The following ME1 variants were observed in gnomAD, a reference collection of about 807,000 sequenced individuals.
ME1 encodes the protein NADP-dependent malic enzyme.
ME1 carries 74 observed loss-of-function variants against 66.4 expected under a neutral mutation model. The ratio of observed to expected loss-of-function variants is 1.11; its 90% confidence interval spans 0.92 to 1.35. The LOEUF (loss-of-function observed/expected upper bound fraction) is 1.35. ME1 is among the 40% of genes most tolerant of loss of function. The probability of loss-of-function intolerance (pLI) is 0.00; values close to 1 mark genes in which losing one functional copy is unlikely to be tolerated. For synonymous variants in ME1, 251 were observed against 235.6 expected (o/e 1.07, Z -0.60); for missense variants, 750 against 694.1 (o/e 1.08, Z -0.90).
chr6:83,362,437 CCT>C (rs2128546091), intron 3 of ME1, among the ~76,000 whole-genome samples: 1 of 152,328 alleles, frequency 6.6e-6, no homozygotes, highest in Admixed American at 6.5e-5. Flanking sequence ...CACCACTCAG[CCT>C]CTTTCCCCAG....
At chr6:83,348,997 A>C (rs1287730541) in intron 4 of ME1, among the ~76,000 whole-genome samples, 4 of 143,174 alleles carry the variant, frequency 2.8e-5, no homozygotes, top group Non-Finnish European at 4.5e-5. Flanking sequence ...AAAAAAAAAA[A>C]AAAACAAAAA....
Position 83,300,156 on chromosome 6 carries a change from T to C in ME1, c.704+15154A>G, listed in dbSNP as rs572106145. Among the ~76,000 whole-genome samples, 3 of 152,262 alleles carry C rather than the reference T, an allele frequency of 2.0e-5. No homozygotes were observed. In the East Asian group the frequency reaches 5.8e-4, roughly 29 times the overall value. ...AACAAGCAATGGGGAGAGGACTCCCTATTCAATAAATGGTGCTGGGATAAC... is the reference window on the plus strand; with the variant it reads ...AACAAGCAATGGGGAGAGGACTCCCCATTCAATAAATGGTGCTGGGATAAC... On this transcript the variant is annotated intron_variant, in intron 6 of 13. Coordinates refer to ENST00000369705, the MANE Select transcript of ME1 (RefSeq NM_002395.6).
At position 83,358,572 on chromosome 6, in the gene ME1, C is replaced by T. The variant is rs568166005; in HGVS notation, c.363-6433G>A. 3.3e-5 allele frequency among the ~76,000 whole-genome samples: 5 copies of T among 152,252 alleles called. No homozygotes were observed. The South Asian group carries it at 1.0e-3, about 32-fold the overall frequency. ...CCTGCAATGAAAGGTGCATGCACAG[C>T]CTTGCCAGGTGTCTACTGTTAAAGT... On this transcript the variant is annotated intron_variant, in intron 3 of 13. Transcript: ENST00000369705.
intron 3 of ME1, among the ~76,000 whole-genome samples, chr6:83,360,188 A>AT (rs1416702069): frequency 7.2e-5 from 11 of 152,174 alleles, no homozygotes; most frequent in Admixed American, 7.2e-4. Flanking sequence ...GGGAGGCCAG[A>AT]TCCCCTGGAG....
At chr6:83,418,273 T>C (rs1335416419) in intron 1 of ME1, among the ~76,000 whole-genome samples, 3 of 152,112 alleles carry the variant, frequency 2.0e-5, no homozygotes, top group Non-Finnish European at 4.4e-5. Context: ...GGCTGACAAG[T>C]CCAAAGACCT....
In ME1 at chr6:83,418,267, G is replaced by A. The variant is rs1298364395; in HGVS notation, c.79-10366C>T. On this transcript the variant is annotated intron_variant, in intron 1 of 13. Coordinates refer to ENST00000369705, the MANE Select transcript of ME1 (RefSeq NM_002395.6). ...ATTGGCTCACATGATTATGGAGGCT[G>A]ACAAGTCCAAAGACCTGCTGCCAGC... is the stretch of plus-strand genomic sequence containing the variant. Among the ~76,000 whole-genome samples, 7 of 152,150 alleles carry A rather than the reference G, an allele frequency of 4.6e-5. No individual in the cohort carries two copies. In the East Asian group the frequency reaches 1.3e-3, roughly 29 times the overall value.
intron 9 of ME1, chr6:83,229,172 T>G: frequency 1.8e-6 from 1 of 552,034 alleles, no homozygotes. Context: ...GTCCTTCATT[T>G]AATTGATATT....
intron 6 of ME1, among the ~76,000 whole-genome samples, chr6:83,255,312 C>A (rs187648429): frequency 6.6e-6 from 1 of 151,436 alleles, no homozygotes; most frequent in Non-Finnish European, 1.5e-5. Context: ...AAGAATAGTA[C>A]CTTCTGTTAT....
At chr6:83,290,618 A>C (rs979804899) in intron 6 of ME1, among the ~76,000 whole-genome samples, 3 of 152,078 alleles carry the variant, frequency 2.0e-5, no homozygotes, top group Admixed American at 1.3e-4. Flanking sequence ...TAGGGTGGAG[A>C]GTTCTGTAGA....
At chr6:83,405,713 G>T (rs1273047885) in intron 2 of ME1, among the ~76,000 whole-genome samples, 14 of 144,784 alleles carry the variant, frequency 9.7e-5, no homozygotes, top group African/African-American at 3.1e-4. Flanking sequence ...TTTTTTTGTT[G>T]TTGTTGTTGT....
intron 6 of ME1, among the ~76,000 whole-genome samples, chr6:83,302,586 C>G (rs1767747666): frequency 6.6e-6 from 1 of 152,110 alleles, no homozygotes; most frequent in Non-Finnish European, 1.5e-5. Flanking sequence ...AATTACAATA[C>G]AGTGTGATAC....
chr6:83,265,702 T>C (rs1766976695), intron 6 of ME1, among the ~76,000 whole-genome samples: 1 of 152,224 alleles, frequency 6.6e-6, no homozygotes, highest in Non-Finnish European at 1.5e-5. Context: ...TGCAATATCT[T>C]TGAGGTATGC....
At chr6:83,429,214 G>A (rs1478781319) in intron 1 of ME1, among the ~76,000 whole-genome samples, 1 of 152,138 alleles carries the variant, frequency 6.6e-6, no homozygotes, top group Non-Finnish European at 1.5e-5. Context: ...AGTGAGCGGA[G>A]ATCGCGCCAC....
At chr6:83,391,688 T>G (rs562089278) in intron 3 of ME1, among the ~76,000 whole-genome samples, 1 of 152,266 alleles carries the variant, frequency 6.6e-6, no homozygotes, top group Non-Finnish European at 1.5e-5. Context: ...CTCTGTGAAC[T>G]CATCCCCTAC....
intron 7 of ME1, among the ~76,000 whole-genome samples, chr6:83,247,223 A>G (rs1465389464): frequency 6.6e-6 from 1 of 152,028 alleles, no homozygotes; most frequent in African/African-American, 2.4e-5. Flanking sequence ...GAGAAGAAAA[A>G]TTTCTTTTTG....
chr6:83,216,823 T>C (rs1227601962), intron 12 of ME1, among the ~76,000 whole-genome samples: 1 of 152,206 alleles, frequency 6.6e-6, no homozygotes, highest in East Asian at 1.9e-4. Flanking sequence ...GAATAGAATC[T>C]AGGTTTCCTT....
chr6:83,352,192 C>T, intron 3 of ME1, 53 bp from the exon 4 acceptor site: 1 of 1,154,004 alleles, frequency 8.7e-7, no homozygotes, highest in Non-Finnish European at 1.2e-6. Flanking sequence ...TCAGGCCTGT[C>T]AAACTACCAT....
chr6:83,341,076 C>T (rs927258075), intron 5 of ME1, among the ~76,000 whole-genome samples: 2 of 152,034 alleles, frequency 1.3e-5, no homozygotes, highest in African/African-American at 2.4e-5. Context: ...TGGGGTAGGG[C>T]ATCTGCGTCA....
intron 6 of ME1, among the ~76,000 whole-genome samples, chr6:83,263,415 A>G (rs1057372991): frequency 1.3e-5 from 2 of 152,196 alleles, no homozygotes; most frequent in African/African-American, 4.8e-5. Context: ...CTGAGACAGG[A>G]CAAAAGTTAG....
Sources: gnomAD v4.1 joint callset for allele counts (sites outside exome capture counted in the v4.1 genomes callset) on GRCh38, gnomAD v4.1.1 for gene constraint, MANE v1.5 for transcripts, NCBI Gene and HGNC (gene_info 2026-07-23, HGNC 2026-07-21) for gene names.